The following PALLD variants were observed in gnomAD, a reference collection of about 807,000 sequenced individuals.
PALLD encodes palladin, cytoskeletal associated protein.
PALLD carries 61 observed loss-of-function variants against 123.5 expected under a neutral mutation model. The ratio of observed to expected loss-of-function variants is 0.49; its 90% CI spans 0.40 to 0.61. The LOEUF is 0.61. Among genes scored for constraint, PALLD ranks in the 20% least tolerant of loss-of-function variants. The probability of loss-of-function intolerance (pLI) is 0.00; values close to 1 mark genes in which losing one functional copy is unlikely to be tolerated. For missense variants in PALLD, 1,273 were observed against 1,377.0 expected, an observed-to-expected ratio of 0.92 and a Z score of 1.20; for synonymous variants, 465 against 496.4, an observed-to-expected ratio of 0.94 and a Z score of 0.84.
chr4:168,870,549 G>A (rs1218675862), intron 10 of PALLD, among the ~76,000 whole-genome samples: 1 of 152,144 alleles, frequency 6.6e-6, no homozygotes, highest in African/African-American at 2.4e-5. Flanking sequence ...AACAGCATAT[G>A]CATAAGGTTA....
intron 16 of PALLD, among the ~76,000 whole-genome samples, chr4:168,914,786 A>G (rs1373473531): frequency 6.6e-6 from 1 of 152,224 alleles, no homozygotes; most frequent in African/African-American, 2.4e-5. Flanking sequence ...AAGAGAATAC[A>G]TAGTTAGCTC....
intron 10 of PALLD, among the ~76,000 whole-genome samples, chr4:168,840,360 A>T (rs1049378909): frequency 6.6e-6 from 1 of 152,180 alleles, no homozygotes; most frequent in South Asian, 2.1e-4. Flanking sequence ...GAACTTGCAA[A>T]TGTCTTTGAA....
chr4:168,544,257 C>T (rs943488659), intron 2 of PALLD, among the ~76,000 whole-genome samples: 1 of 152,244 alleles, frequency 6.6e-6, no homozygotes, highest in Non-Finnish European at 1.5e-5. Flanking sequence ...GCAGTGTTAG[C>T]AAGATAAGAA....
At chr4:168,548,943 G>T (rs1460796709) in intron 2 of PALLD, among the ~76,000 whole-genome samples, 1 of 151,912 alleles carries the variant, frequency 6.6e-6, no homozygotes, top group African/African-American at 2.4e-5. Context: ...GGCCCAGGAG[G>T]TTGTTGTAGT....
intron 10 of PALLD, among the ~76,000 whole-genome samples, chr4:168,837,287 G>A (rs35775737): frequency 0.086 from 13,056 of 152,184 alleles, 657 homozygotes; most frequent in East Asian, 0.16. Flanking sequence ...GACTGACATC[G>A]TTTCCTTACT....
chr4:168,743,022 A>T, intron 10 of PALLD, among the ~76,000 whole-genome samples: 1 of 152,046 alleles, frequency 6.6e-6, no homozygotes, highest in East Asian at 1.9e-4. Flanking sequence ...TTTAAACGCC[A>T]TTCTCTGCCT....
intron 2 of PALLD, among the ~76,000 whole-genome samples, chr4:168,626,400 CAAAA>C (rs374572213): frequency 7.2e-4 from 71 of 98,828 alleles, no homozygotes; most frequent in Admixed American, 1.6e-3. Context: ...GACTCCATCT[CAAAA>C]AAAAAAAAAA....
intron 2 of PALLD, among the ~76,000 whole-genome samples, chr4:168,527,505 A>G (rs1764185119): frequency 1.3e-5 from 2 of 152,018 alleles, no homozygotes; most frequent in African/African-American, 4.8e-5. Flanking sequence ...AAATAAAGAC[A>G]GTAACCTCTT....
chr4:168,832,419 G>A (rs1744394096), intron 10 of PALLD, among the ~76,000 whole-genome samples: 1 of 151,964 alleles, frequency 6.6e-6, no homozygotes, highest in Non-Finnish European at 1.5e-5. Flanking sequence ...CATCATCTTG[G>A]CAGGGCCCAG....
chr4:168,900,797 C>T (rs1055296893), intron 14 of PALLD, among the ~76,000 whole-genome samples: 12 of 152,256 alleles, frequency 7.9e-5, no homozygotes, highest in African/African-American at 2.9e-4. Flanking sequence ...TGTGTATTCA[C>T]AACATGTTAT....
At chr4:168,726,193 C>T (rs1786563027) in intron 10 of PALLD, among the ~76,000 whole-genome samples, 1 of 152,096 alleles carries the variant, frequency 6.6e-6, no homozygotes, top group South Asian at 2.1e-4. Context: ...TGAACAGCTG[C>T]CTTACTGGAG....
intron 10 of PALLD, among the ~76,000 whole-genome samples, chr4:168,800,433 A>AAAAAAT (rs1315221822): frequency 4.6e-5 from 7 of 152,220 alleles, no homozygotes; most frequent in African/African-American, 1.7e-4. Context: ...ACCAGGCAAT[A>AAAAAAT]AAAAATAAAT....
intron 2 of PALLD, among the ~76,000 whole-genome samples, chr4:168,598,985 A>G (rs1482826432): frequency 6.6e-6 from 1 of 152,196 alleles, no homozygotes. Context: ...ATATGTCAAC[A>G]TCAAGGGTCT....
chr4:168,633,762 A>G (rs1223781534), intron 2 of PALLD, among the ~76,000 whole-genome samples: 1 of 152,136 alleles, frequency 6.6e-6, no homozygotes, highest in Non-Finnish European at 1.5e-5. Context: ...CACTTAAGCA[A>G]TTATTGTAAG....
intron 2 of PALLD, among the ~76,000 whole-genome samples, chr4:168,549,113 A>T (rs1362920765): frequency 6.6e-6 from 1 of 152,232 alleles, no homozygotes; most frequent in Non-Finnish European, 1.5e-5. Context: ...CCATCTGATG[A>T]TTTAAGCCAC....
intron 2 of PALLD, among the ~76,000 whole-genome samples, chr4:168,622,752 C>T (rs747407068): frequency 2.6e-5 from 4 of 152,194 alleles, no homozygotes; most frequent in Non-Finnish European, 4.4e-5. Context: ...ACAGATCATA[C>T]TTCCGGTGCC....
At chr4:168,541,898 A>G (rs1451252941) in intron 2 of PALLD, among the ~76,000 whole-genome samples, 1 of 152,218 alleles carries the variant, frequency 6.6e-6, no homozygotes, top group African/African-American at 2.4e-5. Flanking sequence ...CAGTGAAGAC[A>G]CTGTTCAGGA....
At chr4:168,899,094 A>G (rs1329267958) in intron 14 of PALLD, among the ~76,000 whole-genome samples, 4 of 152,196 alleles carry the variant, frequency 2.6e-5, no homozygotes, top group Non-Finnish European at 2.9e-5. Flanking sequence ...TGTACCATAC[A>G]GACAAGTAAT....
At chr4:168,508,149 T>A (rs1407745050) in intron 1 of PALLD, among the ~76,000 whole-genome samples, 1 of 152,196 alleles carries the variant, frequency 6.6e-6, no homozygotes, top group African/African-American at 2.4e-5. Context: ...ATGTTGAATG[T>A]TCCCAACACA....
Sources: allele counts gnomAD v4.1 joint callset (sites outside exome capture counted in the v4.1 genomes callset), GRCh38; gene constraint gnomAD v4.1.1; transcripts MANE v1.5; gene names NCBI Gene and HGNC (gene_info 2026-07-23, HGNC 2026-07-21).